The following SGCD variants were observed in gnomAD, a reference collection of about 807,000 sequenced individuals.
The protein encoded by SGCD is delta-sarcoglycan.
SGCD carries 18 observed loss-of-function variants against 36.6 expected under a neutral mutation model. The ratio of observed to expected loss-of-function variants is 0.49; its 90% CI spans 0.34 to 0.73. The LOEUF (loss-of-function observed/expected upper bound fraction) is 0.73, where lower values mean the gene tolerates loss of function less well. Ranked by LOEUF, SGCD falls within the 30% of genes least tolerant of loss-of-function variation. SGCD has a pLI of 0.01. For synonymous variants in SGCD, 133 were observed against 130.6 expected (o/e 1.02, Z -0.12); for missense variants, 387 against 346.7 (o/e 1.12, Z -0.92).
intron 3 of SGCD, among the ~76,000 whole-genome samples, chr5:156,346,194 G>C (rs1227884192): frequency 2.0e-5 from 3 of 149,686 alleles, no homozygotes; most frequent in Non-Finnish European, 4.4e-5. Context: ...TTTAATATTT[G>C]TGGTAACAGG....
intron 1 of SGCD, among the ~76,000 whole-genome samples, chr5:155,969,675 C>G (rs1371919698): frequency 6.6e-6 from 1 of 152,102 alleles, no homozygotes; most frequent in Non-Finnish European, 1.5e-5. Flanking sequence ...CTCACTGTTT[C>G]TAAGCTTCTT....
At chr5:155,869,411 T>G (rs1393436521), upstream of SGCD, among the ~76,000 whole-genome samples, 1 of 152,230 alleles carries the variant, frequency 6.6e-6, no homozygotes, top group Non-Finnish European at 1.5e-5. Flanking sequence ...TAAATGATTT[T>G]TTTTCTTTGC....
At chr5:156,743,833 A>T (rs1481663344) in intron 7 of SGCD, among the ~76,000 whole-genome samples, 1 of 152,236 alleles carries the variant, frequency 6.6e-6, no homozygotes, top group East Asian at 1.9e-4. Flanking sequence ...CCTGTTTCAG[A>T]TAAGAAGGAG....
At chr5:156,717,977 G>A (rs930747334) in intron 7 of SGCD, among the ~76,000 whole-genome samples, 1 of 152,050 alleles carries the variant, frequency 6.6e-6, no homozygotes, top group Non-Finnish European at 1.5e-5. Context: ...CATCCTGACA[G>A]TACTTTCTAT....
At position 156,612,931 on chromosome 5, in the gene SGCD, G is replaced by C. The variant is rs141754571; in HGVS notation, c.502+17880G>C. Among the ~76,000 whole-genome samples the C allele has an allele frequency of 5.1e-3, 771 of 152,304 alleles. 8 individuals carry two copies. The highest frequency in any genetic ancestry group is 0.018 in the African/African-American group (732 of 41,558). ...CCTATAAAGACTGCAGAACTCTCTG[G>C]CAGCAAGGACTATAGGTGTGTGTAG... On this transcript the variant is annotated intron_variant, in intron 6 of 8. Coordinates refer to ENST00000337851, the MANE Select transcript of SGCD (RefSeq NM_000337.6).
At chr5:155,734,899 T>C in the SGCD span, among the ~76,000 whole-genome samples, 1 of 152,210 alleles carries the variant, frequency 6.6e-6, no homozygotes, top group Admixed American at 6.5e-5. Flanking sequence ...GTGTTAGATG[T>C]CTTTATAATG....
intron 3 of SGCD, among the ~76,000 whole-genome samples, chr5:156,400,460 A>G (rs6865531): frequency 0.72 from 109,166 of 152,106 alleles, 40,413 homozygotes; most frequent in African/African-American, 0.91. Flanking sequence ...GGACATCTGG[A>G]CAGATAACTA....
At chr5:156,391,730 T>A (rs962614292) in intron 3 of SGCD, among the ~76,000 whole-genome samples, 1 of 152,228 alleles carries the variant, frequency 6.6e-6, no homozygotes, top group African/African-American at 2.4e-5. Flanking sequence ...GAAACCAATC[T>A]GCTGCAGATA....
At chr5:155,873,333 CTT>C (rs1455975684) in intron 1 of SGCD, among the ~76,000 whole-genome samples, 1 of 152,112 alleles carries the variant, frequency 6.6e-6, no homozygotes, top group African/African-American at 2.4e-5. Context: ...ATGGAACTAT[CTT>C]AAGTGGAATA....
At chr5:156,653,773 T>A (rs1397274908) in intron 7 of SGCD, among the ~76,000 whole-genome samples, 3 of 152,100 alleles carry the variant, frequency 2.0e-5, no homozygotes, top group African/African-American at 7.2e-5. Context: ...GTTAATGAAC[T>A]TGGTGACTGA....
At chr5:156,094,178 A>G (rs1214089185) in intron 1 of SGCD, among the ~76,000 whole-genome samples, 1 of 152,144 alleles carries the variant, frequency 6.6e-6, no homozygotes, top group Non-Finnish European at 1.5e-5. Flanking sequence ...CTGTGGTCAT[A>G]GGCGGGGCTG....
chr5:155,820,811 G>C, the SGCD span, among the ~76,000 whole-genome samples: 1 of 152,028 alleles, frequency 6.6e-6, no homozygotes, highest in Non-Finnish European at 1.5e-5. Context: ...TATTCCAAGT[G>C]ACCATCACCA....
chr5:156,757,854 A>ATGAT (rs1479879000), intron 8 of SGCD, 150 bp downstream of exon 8: 15 of 1,340,360 alleles, frequency 1.1e-5, no homozygotes, highest in Non-Finnish European at 1.4e-5. Flanking sequence ...ATTGAGCAGC[A>ATGAT]TGATTATAAG....
upstream of SGCD, among the ~76,000 whole-genome samples, chr5:155,868,202 C>T (rs145415617): frequency 0.018 from 2,680 of 152,056 alleles, 33 homozygotes; most frequent in South Asian, 0.028. Flanking sequence ...CAGGCATGTA[C>T]CATCATGCCT....
At chr5:156,003,845 C>T (rs1468827350) in intron 1 of SGCD, among the ~76,000 whole-genome samples, 1 of 152,152 alleles carries the variant, frequency 6.6e-6, no homozygotes, top group Non-Finnish European at 1.5e-5. Flanking sequence ...AAACCTGCTA[C>T]TGATGACCCC....
intron 3 of SGCD, among the ~76,000 whole-genome samples, chr5:156,166,887 A>G (rs1317784088): frequency 6.6e-6 from 1 of 152,160 alleles, no homozygotes; most frequent in Admixed American, 6.5e-5. Flanking sequence ...ACAGTTCTCA[A>G]ACCTGCGGGG....
At chr5:156,333,624 C>A (rs1344745552) in intron 2 of SGCD, among the ~76,000 whole-genome samples, 2 of 152,014 alleles carry the variant, frequency 1.3e-5, no homozygotes, top group Admixed American at 1.3e-4. Flanking sequence ...TACTTAACCA[C>A]TCTTTCTCAT....
chr5:156,227,878 C>T (rs554223997), intron 3 of SGCD, among the ~76,000 whole-genome samples: 27 of 152,000 alleles, frequency 1.8e-4, no homozygotes, highest in African/African-American at 4.6e-4. Context: ...TTTTAATTTC[C>T]GTCTTGATTT....
At chr5:155,868,943 T>A (rs554232033), upstream of SGCD, among the ~76,000 whole-genome samples, 6 of 152,280 alleles carry the variant, frequency 3.9e-5, no homozygotes, top group East Asian at 1.2e-3. Context: ...AGACTATTAT[T>A]TAGAATTTGC....
Sources: gnomAD v4.1 joint callset for allele counts (sites outside exome capture counted in the v4.1 genomes callset) on GRCh38, gnomAD v4.1.1 for gene constraint, MANE v1.5 for transcripts, NCBI Gene and HGNC (gene_info 2026-07-23, HGNC 2026-07-21) for gene names.